THAP4: variants seen among roughly 807,000 people sequenced by gnomAD.
The protein encoded by THAP4 is peroxynitrite isomerase THAP4.
Under a neutral mutation model 48.1 loss-of-function variants are expected in THAP4, and 18 were observed. The ratio of observed to expected loss-of-function variants is 0.37; its 90% CI spans 0.26 to 0.56. THAP4 has a LOEUF of 0.56. Among genes scored for constraint, THAP4 ranks in the 20% least tolerant of loss-of-function variants. The pLI, the probability that THAP4 is intolerant of heterozygous loss-of-function variation, is 0.78. For synonymous variants in THAP4, 345 were observed against 324.9 expected, an observed-to-expected ratio of 1.06 and a Z score of -0.66; for missense variants, 656 against 774.9, an observed-to-expected ratio of 0.85 and a Z score of 1.82.
chr2:241,609,755 C>T (rs180882421), intron 2 of THAP4, among the ~76,000 whole-genome samples: 1 of 151,878 alleles, frequency 6.6e-6, no homozygotes. Flanking sequence ...TCACTGCTCT[C>T]CAGCCTGGGC....
chr2:241,608,925 G>A (rs2067225056), intron 2 of THAP4, among the ~76,000 whole-genome samples: 1 of 152,238 alleles, frequency 6.6e-6, no homozygotes, highest in South Asian at 2.1e-4. Flanking sequence ...GGAAGTGCCA[G>A]AGACGGAGGT....
intron 2 of THAP4, among the ~76,000 whole-genome samples, chr2:241,630,354 G>C (rs2067541651): frequency 6.7e-6 from 1 of 150,034 alleles, no homozygotes; most frequent in African/African-American, 2.5e-5. Flanking sequence ...ACCCAACAAA[G>C]CAAAAAGATG....
intron 5 of THAP4, among the ~76,000 whole-genome samples, chr2:241,599,668 T>C (rs142023983): frequency 6.6e-6 from 1 of 152,314 alleles, no homozygotes; most frequent in African/African-American, 2.4e-5. Context: ...TCACGCTGCA[T>C]ATTGCTACCC....
At chr2:241,621,730 A>G (rs1460601392) in intron 2 of THAP4, among the ~76,000 whole-genome samples, 1 of 152,222 alleles carries the variant, frequency 6.6e-6, no homozygotes, top group African/African-American at 2.4e-5. Flanking sequence ...ACCATAGTTC[A>G]GAGTTTTCCA....
chr2:241,606,536 G>A (rs536592305), intron 2 of THAP4, 63 bp from the exon 3 acceptor site: 1 of 1,465,406 alleles, frequency 6.8e-7, no homozygotes, highest in South Asian at 1.3e-5. Flanking sequence ...TGAGCTTTAA[G>A]CAGAATGCAC....
intron 1 of THAP4, among the ~76,000 whole-genome samples, chr2:241,636,049 A>G (rs1265680259): frequency 2.6e-5 from 4 of 152,252 alleles, no homozygotes; most frequent in East Asian, 3.8e-4. Flanking sequence ...TCAAAAAACA[A>G]TAACAAAACT....
At chr2:241,614,984 CAAAG>C (rs1457869903) in intron 2 of THAP4, among the ~76,000 whole-genome samples, 1 of 152,126 alleles carries the variant, frequency 6.6e-6, no homozygotes, top group East Asian at 1.9e-4. Context: ...TCTAAATGGT[CAAAG>C]AAAGCCTGTA....
rs908127692 is a variant in THAP4, at chr2:241,601,550, T to C, written c.1614+346A>G. On this transcript the variant is annotated intron_variant, in intron 5 of 5. Transcript: ENST00000407315. The surrounding 1 kb of genome is among the most constrained non-coding windows in gnomAD (Gnocchi z 4.0). ...AAGAAATACAATCTAACAGTGTGTA[T>C]CAAATTTAAAATGTACCTGTCCTTT... 1.3e-5 allele frequency among the ~76,000 whole-genome samples: 2 copies of C among 152,116 alleles called. No homozygotes were observed. The highest frequency in any genetic ancestry group is 4.8e-5 in the African/African-American group (2 of 41,410).
At chr2:241,608,338 G>A (rs374560314) in intron 2 of THAP4, among the ~76,000 whole-genome samples, 2 of 152,186 alleles carry the variant, frequency 1.3e-5, no homozygotes, top group Admixed American at 6.5e-5. Flanking sequence ...GGGAGAGTCC[G>A]CTCCTTTTCC....
intron 5 of THAP4, among the ~76,000 whole-genome samples, chr2:241,590,868 G>C (rs543598556): frequency 6.8e-6 from 1 of 147,600 alleles, no homozygotes; most frequent in East Asian, 2.0e-4. Flanking sequence ...AGGACACACA[G>C]AACTGCCCGG....
chr2:241,629,052 T>C (rs1301561339), intron 2 of THAP4, among the ~76,000 whole-genome samples: 2 of 152,104 alleles, frequency 1.3e-5, no homozygotes, highest in East Asian at 1.9e-4. Context: ...TCATGGTTGC[T>C]TGATGGGGGA....
At chr2:241,602,884 G>A (rs2067133042) in intron 4 of THAP4, 86 bp downstream of exon 4, 2 of 1,031,324 alleles carry the variant, frequency 1.9e-6, no homozygotes, top group East Asian at 2.4e-5. Context: ...CAGCAGGGTT[G>A]CACATGGGCA....
At chr2:241,631,194 A>G (rs1481572181) in intron 2 of THAP4, among the ~76,000 whole-genome samples, 1 of 152,234 alleles carries the variant, frequency 6.6e-6, no homozygotes, top group Non-Finnish European at 1.5e-5. Context: ...TCTGGAGAAC[A>G]TGTCGGATGG....
At chr2:241,631,140 C>T (rs949787557) in intron 2 of THAP4, among the ~76,000 whole-genome samples, 3 of 152,178 alleles carry the variant, frequency 2.0e-5, no homozygotes, top group Non-Finnish European at 4.4e-5. Context: ...ATCTGAAAAT[C>T]TAGGTCAGCA....
At position 241,610,866 on chromosome 2, in the gene THAP4, G is replaced by C. The variant is rs928613970; in HGVS notation, c.1241-4393C>G. On this transcript the variant is annotated intron_variant, in intron 2 of 5. Transcript: ENST00000407315. The surrounding 1 kb of genome is among the most constrained non-coding windows in gnomAD (Gnocchi z 4.2). The stretch of plus-strand genomic sequence containing the variant: ...GAGAGACAGGGCCAGAGAGACACGG[G>C]GATGGGGCCAGAGACGGGGCCAGAG... Among the ~76,000 whole-genome samples the C allele has an allele frequency of 3.0e-4, 46 of 151,916 alleles. No homozygotes were observed. Among genetic ancestry groups the C allele is most frequent in the African/African-American group, 1.0e-3 (43 of 41,364 alleles).
intron 2 of THAP4, among the ~76,000 whole-genome samples, 195 bp from the exon 3 acceptor site, chr2:241,606,668 G>C (rs2067187834): frequency 6.6e-6 from 1 of 152,238 alleles, no homozygotes; most frequent in South Asian, 2.1e-4. Flanking sequence ...AGAAGCCTCT[G>C]CAGTTCCTGC....
chr2:241,604,610 A>G (rs893712386), intron 3 of THAP4, among the ~76,000 whole-genome samples: 1 of 152,010 alleles, frequency 6.6e-6, no homozygotes, highest in Non-Finnish European at 1.5e-5. Flanking sequence ...CAATTTCACC[A>G]CATTGGCCAG....
chr2:241,625,605 G>A (rs888501578), intron 2 of THAP4, among the ~76,000 whole-genome samples: 1 of 151,434 alleles, frequency 6.6e-6, no homozygotes, highest in African/African-American at 2.4e-5. Context: ...GACCATCCAT[G>A]GCTAACACAG....
rs996718448 is a variant in THAP4 at position 241,633,573 on chromosome 2, G to A, written c.584C>T (p.Thr195Ile). Reference sequence around the variant, plus strand: ...AGTGGCGCTCTCATCGCCAGCATCTGTGGCAGACGCTTCTGCTTTTCCCTG... The same window carrying A: ...AGTGGCGCTCTCATCGCCAGCATCTATGGCAGACGCTTCTGCTTTTCCCTG... Reference protein sequence around the residue: ...GSQGKAEASATDAGDESATSS... With the variant: ...GSQGKAEASAIDAGDESATSS... Residue 195 changes from threonine (T) to isoleucine (I), a missense_variant, in exon 2 of 6, where the codon ACA (threonine) becomes ATA (isoleucine). Coordinates refer to ENST00000407315, the MANE Select transcript of THAP4 (RefSeq NM_015963.6). This position sits in a 1 kb window ranked among gnomAD's most constrained non-coding sequence, Gnocchi z 7.5. 9.3e-6 allele frequency: 15 copies of A among 1,613,636 alleles called. No individual in the cohort carries two copies. Among genetic ancestry groups the A allele is most frequent in the Non-Finnish European group, 1.3e-5 (15 of 1,179,920 alleles).
Sources: gnomAD v4.1 joint callset for allele counts (sites outside exome capture counted in the v4.1 genomes callset) on GRCh38, gnomAD v4.1.1 for gene constraint, Gnocchi (gnomAD v3.1) non-coding constraint, MANE v1.5 for transcripts, NCBI Gene and HGNC (gene_info 2026-07-23, HGNC 2026-07-21) for gene names.